The following UQCC1 variants were observed in gnomAD, a reference collection of about 807,000 sequenced individuals.
UQCC1 encodes bFGF-repressed Zic-binding protein.
Under a neutral mutation model 48.0 loss-of-function variants are expected in UQCC1, and 38 were observed. That is an observed-to-expected ratio of 0.79 (90% CI 0.61 to 1.04). The LOEUF is 1.04. Among genes scored for constraint, UQCC1 ranks in the 50% least tolerant of loss-of-function variants. UQCC1 has a pLI of 0.00. For missense variants in UQCC1, 368 were observed against 381.8 expected, an observed-to-expected ratio of 0.96 and a Z score of 0.30; for synonymous variants, 111 against 129.2, an observed-to-expected ratio of 0.86 and a Z score of 0.95.
At position 35,309,183 on chromosome 20, in the gene UQCC1, A is replaced by G. The variant is rs1290068186; in HGVS notation, c.652-2404T>C. The G allele has an allele frequency of 2.2e-5, 10 of 456,072 alleles. No individual in the cohort carries two copies. The Admixed American group carries it at 2.3e-4, about 11-fold the overall frequency. The allele number at this position is 456,072 out of a possible 1,614,324, so 28.3% of individuals were successfully genotyped here. A position where few individuals can be genotyped will look rare whatever the true frequency, so the allele number is the denominator to read the frequency against. On this transcript the variant is annotated intron_variant, in intron 8 of 9. Coordinates refer to ENST00000374385, the MANE Select transcript of UQCC1 (RefSeq NM_018244.5). ...GAGCAATCAGAATGGCTGAATACCCAGCACTTTGGGAGTCCAAGCTGGGTG... is the reference window on the plus strand; with the variant it reads ...GAGCAATCAGAATGGCTGAATACCCGGCACTTTGGGAGTCCAAGCTGGGTG...
intron 7 of UQCC1, among the ~76,000 whole-genome samples, chr20:35,320,744 T>C (rs1186163615): frequency 6.6e-6 from 1 of 152,168 alleles, no homozygotes; most frequent in Non-Finnish European, 1.5e-5. Context: ...AAAGTTGGTA[T>C]GGAAAACACT....
chr20:35,381,518 G>A (rs1289914254), intron 4 of UQCC1, among the ~76,000 whole-genome samples: 1 of 152,152 alleles, frequency 6.6e-6, no homozygotes. Flanking sequence ...AGAGGTTGTG[G>A]CACGTGGGCA....
At chr20:35,402,411 T>C (rs2062177789) in intron 1 of UQCC1, among the ~76,000 whole-genome samples, 1 of 151,948 alleles carries the variant, frequency 6.6e-6, no homozygotes, top group Admixed American at 6.6e-5. Flanking sequence ...ACCCCGTCTC[T>C]ACTAAAAATA....
intron 7 of UQCC1, among the ~76,000 whole-genome samples, chr20:35,322,639 C>T (rs140742441): frequency 0.012 from 1,803 of 151,840 alleles, 40 homozygotes; most frequent in African/African-American, 0.039. Flanking sequence ...GAGGCTGAGG[C>T]GGGGGAACCA....
intron 9 of UQCC1, among the ~76,000 whole-genome samples, chr20:35,304,872 C>T (rs540634649): frequency 6.6e-6 from 1 of 152,196 alleles, no homozygotes; most frequent in Non-Finnish European, 1.5e-5. Flanking sequence ...CCCAGCCTCT[C>T]GCACGTGTCT....
At chr20:35,360,646 C>T (rs1294089870) in intron 6 of UQCC1, among the ~76,000 whole-genome samples, 1 of 152,080 alleles carries the variant, frequency 6.6e-6, no homozygotes, top group Non-Finnish European at 1.5e-5. Context: ...TTCTGGCCCC[C>T]AGAAGGCCAA....
rs139245525 is a variant in UQCC1 at position 35,350,844 on chromosome 20, C to A, written c.465-3572G>T. The stretch of plus-strand genomic sequence containing the variant: ...TCACCTGAGGTCAGGAGTTCAAGAC[C>A]AGCCTGACCAACATGGTGAAACCCC... On this transcript the variant is annotated intron_variant, in intron 6 of 9. Coordinates refer to ENST00000374385, the MANE Select transcript of UQCC1 (RefSeq NM_018244.5). Among the ~76,000 whole-genome samples, 1,181 of 152,140 alleles carry A rather than the reference C, an allele frequency of 7.8e-3. 17 individuals are homozygous for A. The highest frequency in any genetic ancestry group is 0.026 in the African/African-American group (1,089 of 41,508).
At chr20:35,368,810 C>T (rs1470769657) in intron 5 of UQCC1, among the ~76,000 whole-genome samples, 2 of 152,174 alleles carry the variant, frequency 1.3e-5, no homozygotes, top group Non-Finnish European at 2.9e-5. Flanking sequence ...GTCAAGTCGA[C>T]TTCCTCTCAG....
chr20:35,333,177 C>T (rs2061276535), intron 7 of UQCC1, among the ~76,000 whole-genome samples: 1 of 151,920 alleles, frequency 6.6e-6, no homozygotes, highest in Non-Finnish European at 1.5e-5. Context: ...CTTACTATGG[C>T]GGCCACAGCC....
intron 7 of UQCC1, among the ~76,000 whole-genome samples, chr20:35,342,274 A>G (rs1440194666): frequency 6.6e-6 from 1 of 152,226 alleles, no homozygotes; most frequent in East Asian, 1.9e-4. Flanking sequence ...GAGCCTGCTC[A>G]TTGTGAGCCA....
At chr20:35,391,860 T>C (rs1231074314) in intron 2 of UQCC1, among the ~76,000 whole-genome samples, 1 of 152,164 alleles carries the variant, frequency 6.6e-6, no homozygotes, top group African/African-American at 2.4e-5. Flanking sequence ...GAAGGCTATT[T>C]GGGAATGCTA....
At chr20:35,399,025 A>G (rs1295961298) in intron 1 of UQCC1, among the ~76,000 whole-genome samples, 2 of 152,186 alleles carry the variant, frequency 1.3e-5, no homozygotes, top group African/African-American at 4.8e-5. Context: ...TGTAACAGAA[A>G]GGGTAATCCC....
intron 1 of UQCC1, among the ~76,000 whole-genome samples, chr20:35,395,233 A>T (rs1451252582): frequency 6.6e-6 from 1 of 152,020 alleles, no homozygotes; most frequent in Non-Finnish European, 1.5e-5. Context: ...GTCAGGGAGG[A>T]GTGGGAGAAG....
rs113155072 is a variant in UQCC1, at chr20:35,358,327, C to T, written c.464+8230G>A. On this transcript the variant is annotated intron_variant, in intron 6 of 9. Coordinates refer to ENST00000374385, the MANE Select transcript of UQCC1 (RefSeq NM_018244.5). ...CGAGACTGTGCCATTGCACTCCAGC[C>T]TTGGCATCAACAGTGAGAGACTCTG... Among the ~76,000 whole-genome samples, 1,084 of 125,232 alleles carry T rather than the reference C, an allele frequency of 8.7e-3. 16 individuals are homozygous for T. Among genetic ancestry groups the T allele is most frequent in the Admixed American group, 0.012 (126 of 10,426 alleles). The allele number at this position is 125,232 out of a possible 152,430, so 82.2% of individuals were successfully genotyped here.
chr20:35,396,026 C>G (rs1390743756), intron 1 of UQCC1, among the ~76,000 whole-genome samples: 1 of 137,758 alleles, frequency 7.3e-6, no homozygotes, highest in African/African-American at 2.6e-5. Flanking sequence ...GCTCTGTCAC[C>G]CAGGCTGGAA....
chr20:35,406,994 T>C (rs1269870656), intron 1 of UQCC1, among the ~76,000 whole-genome samples: 2 of 152,188 alleles, frequency 1.3e-5, no homozygotes, highest in Non-Finnish European at 2.9e-5. Flanking sequence ...TAAAAGCTTG[T>C]AACATGTACA....
intron 1 of UQCC1, among the ~76,000 whole-genome samples, chr20:35,407,191 G>C (rs1267454023): frequency 6.6e-6 from 1 of 152,180 alleles, no homozygotes; most frequent in Non-Finnish European, 1.5e-5. Context: ...ACTCTGGGAG[G>C]CTGAGGTGGG....
intron 1 of UQCC1, among the ~76,000 whole-genome samples, chr20:35,397,067 G>A (rs548640862): frequency 2.0e-5 from 3 of 152,004 alleles, no homozygotes; most frequent in South Asian, 2.1e-4. Context: ...GCATGGTGGC[G>A]TGTACCTGTA....
chr20:35,306,627 G>A (rs1238856510), intron 9 of UQCC1, 39 bp downstream of exon 9: 3 of 1,529,280 alleles, frequency 2.0e-6, no homozygotes, highest in African/African-American at 1.4e-5. Flanking sequence ...AGGACCCACT[G>A]TTGCCAGGAC....
Sources: gnomAD v4.1 joint callset for allele counts (sites outside exome capture counted in the v4.1 genomes callset) on GRCh38, gnomAD v4.1.1 for gene constraint, MANE v1.5 for transcripts, NCBI Gene and HGNC (gene_info 2026-07-23, HGNC 2026-07-21) for gene names.